ATP8B4: variants seen among roughly 807,000 people sequenced by gnomAD.
ATP8B4 encodes the protein probable phospholipid-transporting ATPase IM.
In ATP8B4, 133 loss-of-function variants were observed where a neutral mutation model predicts 145.6. The observed-to-expected ratio is 0.91, with a 90% CI of 0.79 to 1.05. ATP8B4 has a LOEUF of 1.05. Ranked by LOEUF, ATP8B4 falls within the 50% of genes least tolerant of loss-of-function variation. ATP8B4 has a pLI of 0.00. For synonymous variants in ATP8B4, 507 were observed against 492.9 expected (o/e 1.03, Z -0.38); for missense variants, 1,458 against 1,425.2 (o/e 1.02, Z -0.37).
At position 50,072,921 on chromosome 15, in the gene ATP8B4, CCTCTCTCTCTCTCTCTCTCTCTCTCTCT is replaced by C. The variant is rs1207432427; in HGVS notation, c.87+1178_87+1205del. On this transcript the variant is annotated intron_variant, in intron 3 of 27. Coordinates refer to ENST00000284509, the MANE Select transcript of ATP8B4 (RefSeq NM_024837.4). Reference sequence around the variant, plus strand: ...TACAGGCATGAGTCACTGTGCCCGGCCTCTCTCTCTCTCTCTCTCTCTCTCTCTCTCTCTCTCTCTCTCTCTCTCTCTC... The same window carrying C: ...TACAGGCATGAGTCACTGTGCCCGGCCTCTCTCTCTCTCTCTCTCTCTCTC... Among the ~76,000 whole-genome samples, 56 of 27,284 alleles carry C rather than the reference CCTCTCTCTCTCTCTCTCTCTCTCTCTCT, an allele frequency of 2.1e-3. 1 individual carries two copies. Among genetic ancestry groups the C allele is most frequent in the Middle Eastern group, 0.022 (1 of 46 alleles). The allele number at this position is 27,284 out of a possible 152,430, so 17.9% of individuals were successfully genotyped here. A position where few individuals can be genotyped will look rare whatever the true frequency, so the allele number is the denominator to read the frequency against.
chr15:49,864,427 A>C (rs1006189127), intron 26 of ATP8B4, among the ~76,000 whole-genome samples: 7 of 152,200 alleles, frequency 4.6e-5, no homozygotes, highest in Non-Finnish European at 1.0e-4. Context: ...GATTAAGTTC[A>C]AGAATGTTGG....
chr15:50,058,781 C>T (rs74435552), intron 3 of ATP8B4, among the ~76,000 whole-genome samples: 10,301 of 152,062 alleles, frequency 0.068, 404 homozygotes, highest in Non-Finnish European at 0.09. Context: ...TCTCCAGCCC[C>T]TTCACAGCCA....
At chr15:50,161,665 AT>A (rs1359798604) in intron 1 of ATP8B4, among the ~76,000 whole-genome samples, 3 of 151,726 alleles carry the variant, frequency 2.0e-5, no homozygotes, top group African/African-American at 7.3e-5. Context: ...CTTTAACTAT[AT>A]CCCCCACTTT....
rs554759041 is a variant in ATP8B4, at chr15:50,029,192, C to T, written c.362+9576G>A. On this transcript the variant is annotated intron_variant, in intron 6 of 27. Coordinates refer to ENST00000284509, the MANE Select transcript of ATP8B4 (RefSeq NM_024837.4). ...AGGTTGCAGTGAGCTGAGATCACGCCACACGCCACTGCACTCCAGCCTGGC... is the reference window on the plus strand; with the variant it reads ...AGGTTGCAGTGAGCTGAGATCACGCTACACGCCACTGCACTCCAGCCTGGC... Among the ~76,000 whole-genome samples, 45 of 144,300 alleles carry T rather than the reference C, an allele frequency of 3.1e-4. No homozygotes were observed. In the South Asian group the frequency reaches 8.9e-3, roughly 28 times the overall value. The allele number at this position is 144,300 out of a possible 152,430, so 94.7% of individuals were successfully genotyped here.
rs920008964 is a variant in ATP8B4, at chr15:50,025,796, C to A, written c.362+12972G>T. Among the ~76,000 whole-genome samples, 5 of 152,316 alleles carry A rather than the reference C, an allele frequency of 3.3e-5. No homozygotes were observed. In the South Asian group the frequency reaches 1.0e-3, roughly 32 times the overall value. ...GAACATGTCTGTTTGGGTTGACCTGCATTTGCAGAATATAGCTCAATGCCT... is the reference window on the plus strand; with the variant it reads ...GAACATGTCTGTTTGGGTTGACCTGAATTTGCAGAATATAGCTCAATGCCT... On this transcript the variant is annotated intron_variant, in intron 6 of 27. Coordinates refer to ENST00000284509, the MANE Select transcript of ATP8B4 (RefSeq NM_024837.4).
chr15:50,011,710 C>G (rs1214927143), intron 6 of ATP8B4, among the ~76,000 whole-genome samples: 1 of 152,138 alleles, frequency 6.6e-6, no homozygotes, highest in Non-Finnish European at 1.5e-5. Flanking sequence ...ACCACCTGGG[C>G]CAGTATACCA....
chr15:50,107,149 G>C, intron 1 of ATP8B4, 141 bp from the exon 2 acceptor site: 1 of 505,932 alleles, frequency 2.0e-6, no homozygotes, highest in South Asian at 4.1e-5. Flanking sequence ...TAATTTATGA[G>C]GCTTTAGTCC....
intron 3 of ATP8B4, among the ~76,000 whole-genome samples, chr15:50,049,161 T>A (rs916415687): frequency 1.3e-5 from 2 of 152,238 alleles, no homozygotes; most frequent in African/African-American, 4.8e-5. Flanking sequence ...ATATTTCTTT[T>A]CAATAAAATT....
chr15:50,125,477 C>T (rs1470680324), intron 1 of ATP8B4, among the ~76,000 whole-genome samples: 1 of 152,196 alleles, frequency 6.6e-6, no homozygotes, highest in East Asian at 1.9e-4. Context: ...ACATTTCACA[C>T]ATTCTTCACC....
At chr15:50,170,653 A>C (rs2044658349) in intron 1 of ATP8B4, among the ~76,000 whole-genome samples, 1 of 152,152 alleles carries the variant, frequency 6.6e-6, no homozygotes, top group Non-Finnish European at 1.5e-5. Context: ...AAACAAAAAA[A>C]AACAAAGTAC....
chr15:50,053,386 CAG>C (rs2052342818), intron 3 of ATP8B4, among the ~76,000 whole-genome samples: 2 of 152,204 alleles, frequency 1.3e-5, no homozygotes, highest in Non-Finnish European at 2.9e-5. Flanking sequence ...CATTGCAAAG[CAG>C]TTATCTCTTC....
intron 1 of ATP8B4, among the ~76,000 whole-genome samples, chr15:50,165,050 T>G (rs2044575550): frequency 6.6e-6 from 1 of 152,062 alleles, no homozygotes; most frequent in Non-Finnish European, 1.5e-5. Context: ...CTTTCCTTTT[T>G]TTTTCTTTTT....
chr15:49,953,234 T>A (rs767705543), intron 14 of ATP8B4, among the ~76,000 whole-genome samples: 1 of 151,992 alleles, frequency 6.6e-6, no homozygotes, highest in Non-Finnish European at 1.5e-5. Context: ...CTTTGTCTCT[T>A]GGTGGAAGGG....
At chr15:50,137,123 G>A (rs1364475577) in intron 1 of ATP8B4, among the ~76,000 whole-genome samples, 1 of 152,134 alleles carries the variant, frequency 6.6e-6, no homozygotes, top group Non-Finnish European at 1.5e-5. Flanking sequence ...ATTAGTCACA[G>A]AATCAAGCAA....
At chr15:49,878,329 T>G (rs1405276466) in intron 24 of ATP8B4, among the ~76,000 whole-genome samples, 1 of 152,132 alleles carries the variant, frequency 6.6e-6, no homozygotes, top group Non-Finnish European at 1.5e-5. Context: ...AAAATATGCC[T>G]TTCGCAAACT....
At chr15:50,108,910 C>T (rs1482208981) in intron 1 of ATP8B4, among the ~76,000 whole-genome samples, 3 of 152,178 alleles carry the variant, frequency 2.0e-5, no homozygotes, top group Non-Finnish European at 2.9e-5. Flanking sequence ...GCTCAGTAAA[C>T]ACTTGTTGAA....
chr15:49,992,647 A>G lies in ATP8B4; in HGVS notation c.589+4030T>C, dbSNP rs75913657. Among the ~76,000 whole-genome samples the G allele has an allele frequency of 1.4e-3, 213 of 152,232 alleles. 1 individual carries two copies. The highest frequency in any genetic ancestry group is 4.9e-3 in the African/African-American group (202 of 41,552). ...AGGAGTGGGAAATTCAGGTCTTTAG[A>G]TACTTGGAAGATGTGCTTTTATGAT... On this transcript the variant is annotated intron_variant, in intron 9 of 27. Coordinates refer to ENST00000284509, the MANE Select transcript of ATP8B4 (RefSeq NM_024837.4).
chr15:49,942,859 A>G (rs529297622), intron 14 of ATP8B4, among the ~76,000 whole-genome samples: 328 of 152,134 alleles, frequency 2.2e-3, no homozygotes, highest in Non-Finnish European at 3.7e-3. Flanking sequence ...AGAAATGAAC[A>G]AAATAAAATT....
intron 1 of ATP8B4, among the ~76,000 whole-genome samples, chr15:50,181,200 G>A (rs945597170): frequency 3.9e-5 from 6 of 152,088 alleles, no homozygotes; most frequent in Non-Finnish European, 7.4e-5. Context: ...TGTATTTATC[G>A]TATCAAATTA....
Sources: gnomAD v4.1 joint callset for allele counts (sites outside exome capture counted in the v4.1 genomes callset) on GRCh38, gnomAD v4.1.1 for gene constraint, MANE v1.5 for transcripts, NCBI Gene and HGNC (gene_info 2026-07-23, HGNC 2026-07-21) for gene names.